The following POFUT3 variants were observed in gnomAD, a reference collection of about 807,000 sequenced individuals.
POFUT3 encodes the protein GDP-fucose protein O-fucosyltransferase 3.
At chr8:33,428,669 G>A in the POFUT3 span, among the ~76,000 whole-genome samples, 3 of 152,144 alleles carry the variant, frequency 2.0e-5, no homozygotes, top group Non-Finnish European at 2.9e-5. Flanking sequence ...AGTGTTGGGG[G>A]GTGTGGCCTA....
the POFUT3 span, among the ~76,000 whole-genome samples, chr8:33,351,234 G>A: frequency 6.6e-6 from 1 of 152,148 alleles, no homozygotes; most frequent in Admixed American, 6.5e-5. Flanking sequence ...GGGGTTACAG[G>A]CACGAGCCAC....
At chr8:33,368,023 A>AAT in the POFUT3 span, among the ~76,000 whole-genome samples, 2 of 152,130 alleles carry the variant, frequency 1.3e-5, no homozygotes, top group Non-Finnish European at 2.9e-5. Flanking sequence ...ATAAACAATA[A>AAT]ATTTTTGACC....
the POFUT3 span, among the ~76,000 whole-genome samples, chr8:33,318,146 A>G: frequency 5.9e-5 from 9 of 151,994 alleles, no homozygotes; most frequent in Non-Finnish European, 1.0e-4. Flanking sequence ...ACGTCTCTGT[A>G]TCTGAGTCCA....
the POFUT3 span, among the ~76,000 whole-genome samples, chr8:33,380,054 ATATATATACACTATATATATACAC>A: frequency 2.7e-5 from 2 of 72,778 alleles, no homozygotes; most frequent in African/African-American, 1.6e-4. Flanking sequence ...TATATACACT[ATATATATACACTATATATATACAC>A]TATATATACT....
At chr8:33,336,724 T>C in the POFUT3 span, among the ~76,000 whole-genome samples, 1 of 152,150 alleles carries the variant, frequency 6.6e-6, no homozygotes, top group African/African-American at 2.4e-5. Flanking sequence ...CAGTGGAATA[T>C]AGAGCACAAT....
chr8:33,467,155 C>A, the POFUT3 span, among the ~76,000 whole-genome samples: 1 of 151,176 alleles, frequency 6.6e-6, no homozygotes, highest in African/African-American at 2.4e-5. Flanking sequence ...CACCTGTAGT[C>A]CCAGCTACTC....
chr8:33,365,539 TA>T, the POFUT3 span, among the ~76,000 whole-genome samples: 2 of 148,538 alleles, frequency 1.3e-5, no homozygotes, highest in Non-Finnish European at 3.0e-5. Context: ...CCAGAATCTA[TA>T]AAGAACTCAA....
the POFUT3 span, among the ~76,000 whole-genome samples, chr8:33,441,253 C>A: frequency 6.6e-6 from 1 of 151,228 alleles, no homozygotes; most frequent in Admixed American, 6.6e-5. Context: ...ATCGCTTGAA[C>A]CCGGGAAGCA....
the POFUT3 span, among the ~76,000 whole-genome samples, chr8:33,362,942 C>G: frequency 6.6e-6 from 1 of 152,178 alleles, no homozygotes; most frequent in Non-Finnish European, 1.5e-5. Context: ...CAACAGAAAT[C>G]TCCACCCCAA....
At chr8:33,397,500 T>C in the POFUT3 span, among the ~76,000 whole-genome samples, 2 of 152,176 alleles carry the variant, frequency 1.3e-5, no homozygotes, top group Non-Finnish European at 2.9e-5. Context: ...GCTGATCTTA[T>C]CACTGAAAAC....
chr8:33,355,950 C>G, the POFUT3 span, among the ~76,000 whole-genome samples: 1 of 152,100 alleles, frequency 6.6e-6, no homozygotes, highest in Non-Finnish European at 1.5e-5. Flanking sequence ...CGATAGTTTA[C>G]TGAGAATGAT....
the POFUT3 span, among the ~76,000 whole-genome samples, chr8:33,343,467 T>C: frequency 1.1e-4 from 17 of 152,276 alleles, no homozygotes; most frequent in Middle Eastern, 6.8e-3. Context: ...TATTGGCCAA[T>C]CCTAAATTGA....
the POFUT3 span, among the ~76,000 whole-genome samples, chr8:33,464,566 T>C: frequency 7.2e-5 from 11 of 152,118 alleles, no homozygotes; most frequent in African/African-American, 2.4e-4. Context: ...TCCCAACAGC[T>C]TGGGAGGCCA....
the POFUT3 span, among the ~76,000 whole-genome samples, chr8:33,401,633 C>T: frequency 2.0e-5 from 3 of 152,238 alleles, no homozygotes; most frequent in East Asian, 5.8e-4. Flanking sequence ...TAAAGCTACC[C>T]TATTTTCAAG....
the POFUT3 span, chr8:33,389,368 C>T: frequency 1.2e-6 from 2 of 1,614,158 alleles, no homozygotes; most frequent in Non-Finnish European, 1.7e-6. Context: ...GTGCAATGAT[C>T]CTATAAAAGC....
chr8:33,458,889 T>C, the POFUT3 span, among the ~76,000 whole-genome samples: 2 of 152,088 alleles, frequency 1.3e-5, no homozygotes, highest in Non-Finnish European at 2.9e-5. Context: ...GCAGTAGAAA[T>C]ACAGCACCAT....
the POFUT3 span, among the ~76,000 whole-genome samples, chr8:33,330,318 C>A: frequency 6.6e-5 from 10 of 152,094 alleles, no homozygotes; most frequent in Non-Finnish European, 1.2e-4. Flanking sequence ...GTGGCAGGTG[C>A]CTGTAATCCC....
At chr8:33,359,860 G>T in the POFUT3 span, among the ~76,000 whole-genome samples, 1 of 151,396 alleles carries the variant, frequency 6.6e-6, no homozygotes, top group Non-Finnish European at 1.5e-5. Context: ...ACAAAAATTA[G>T]CCAGGCTTGA....
At chr8:33,451,066 ATGTGTGTG>A in the POFUT3 span, among the ~76,000 whole-genome samples, 1 of 148,110 alleles carries the variant, frequency 6.8e-6, no homozygotes, top group South Asian at 2.1e-4. Flanking sequence ...AAGGAGGTGT[ATGTGTGTG>A]TGTGTGTGTG....
Sources: allele counts gnomAD v4.1 joint callset (sites outside exome capture counted in the v4.1 genomes callset), GRCh38; gene constraint gnomAD v4.1.1; transcripts MANE v1.5; gene names NCBI Gene and HGNC (gene_info 2026-07-23, HGNC 2026-07-21).